SPOCK1: variants seen among roughly 807,000 people sequenced by gnomAD.
The protein encoded by SPOCK1 is testican-1.
A neutral mutation model predicts 55.3 loss-of-function variants in SPOCK1; 23 were observed. The ratio of observed to expected loss-of-function variants is 0.42; its 90% CI spans 0.30 to 0.59. The LOEUF is 0.59. SPOCK1 is among the 20% of genes least tolerant of loss of function. The pLI is 0.22. For synonymous variants in SPOCK1, 226 were observed against 221.0 expected (o/e 1.02, Z -0.20); for missense variants, 499 against 552.5 (o/e 0.90, Z 0.97).
intron 6 of SPOCK1, among the ~76,000 whole-genome samples, chr5:136,999,062 A>G (rs777120630): frequency 6.6e-6 from 1 of 152,158 alleles, no homozygotes; most frequent in Non-Finnish European, 1.5e-5. Flanking sequence ...CCTCCACCCA[A>G]GGCATGGAGC....
chr5:137,273,265 A>G, intron 2 of SPOCK1: 1 of 584,956 alleles, frequency 1.7e-6, no homozygotes, highest in Non-Finnish European at 2.2e-6. Context: ...GGTTCACTGA[A>G]CTAAAACAAA....
At chr5:137,075,153 C>T (rs77341744) in intron 5 of SPOCK1, among the ~76,000 whole-genome samples, 1,605 of 152,276 alleles carry the variant, frequency 0.011, 36 homozygotes, top group African/African-American at 0.037. Context: ...ATCTTAATGA[C>T]GGGTATACAG....
At chr5:137,285,766 T>C (rs1757252431) in intron 2 of SPOCK1, among the ~76,000 whole-genome samples, 1 of 152,178 alleles carries the variant, frequency 6.6e-6, no homozygotes, top group South Asian at 2.1e-4. Context: ...CACCAATTGT[T>C]CAGGCATGGA....
At chr5:137,141,314 C>G (rs1754094547) in intron 3 of SPOCK1, among the ~76,000 whole-genome samples, 1 of 152,216 alleles carries the variant, frequency 6.6e-6, no homozygotes, top group Non-Finnish European at 1.5e-5. Context: ...GAAACAAGAG[C>G]TACTTTTCCC....
At position 137,188,818 on chromosome 5, in the gene SPOCK1, A is replaced by G. The variant is rs139255280; in HGVS notation, c.233-48124T>C. 4.5e-3 allele frequency among the ~76,000 whole-genome samples: 682 copies of G among 152,380 alleles called. 4 individuals carry two copies. The highest frequency in any genetic ancestry group is 0.016 in the African/African-American group (669 of 41,588). ...AAAAGCTAGGCATCTTGTGCCAAAC[A>G]TTTAGCCAAGTTGTGAATACAAAGG... On this transcript the variant is annotated intron_variant, in intron 3 of 10. Coordinates refer to ENST00000394945, the MANE Select transcript of SPOCK1 (RefSeq NM_004598.4).
At chr5:137,167,592 T>C (rs1754673596) in intron 3 of SPOCK1, among the ~76,000 whole-genome samples, 1 of 151,908 alleles carries the variant, frequency 6.6e-6, no homozygotes, top group Non-Finnish European at 1.5e-5. Context: ...CTTGAAACAT[T>C]CAGAAAAATT....
chr5:137,437,456 G>A (rs1417022550), intron 2 of SPOCK1, among the ~76,000 whole-genome samples: 7 of 152,180 alleles, frequency 4.6e-5, no homozygotes, highest in African/African-American at 1.7e-4. Flanking sequence ...CAATTAAAGT[G>A]CACAATGGGT....
chr5:137,190,232 C>T (rs13181655), intron 3 of SPOCK1, among the ~76,000 whole-genome samples: 87,900 of 151,912 alleles, frequency 0.58, 27,231 homozygotes, highest in Non-Finnish European at 0.68. Flanking sequence ...GTGGGTAAAA[C>T]GCCATGAAAC....
intron 7 of SPOCK1, among the ~76,000 whole-genome samples, chr5:136,991,154 G>A (rs764311304): frequency 3.9e-5 from 6 of 152,044 alleles, no homozygotes; most frequent in Non-Finnish European, 8.8e-5. Context: ...TCCAGAGACT[G>A]GAGGCTGCAA....
At position 137,139,604 on chromosome 5, in the gene SPOCK1, A is replaced by G. The variant is rs1250074862; in HGVS notation, c.347+976T>C. 2.0e-5 allele frequency among the ~76,000 whole-genome samples: 3 copies of G among 152,178 alleles called. No homozygotes were observed. The East Asian group carries it at 5.8e-4, about 30-fold the overall frequency. ...GGAATCTTTATTTATCTAAATTCAG[A>G]AAGGTTGCTTTATTTGTCTGAGGTC... On this transcript the variant is annotated intron_variant, in intron 4 of 10. Transcript: ENST00000394945.
chr5:137,282,185 C>T (rs557298617), intron 2 of SPOCK1, among the ~76,000 whole-genome samples: 27 of 152,324 alleles, frequency 1.8e-4, no homozygotes, highest in African/African-American at 6.3e-4. Context: ...CTCTGCCTTA[C>T]GCTGATAACA....
intron 2 of SPOCK1, among the ~76,000 whole-genome samples, chr5:137,421,052 G>A (rs1264203259): frequency 6.6e-6 from 1 of 152,122 alleles, no homozygotes; most frequent in East Asian, 1.9e-4. Context: ...ATTTCGTTAT[G>A]TACCCAGTAG....
intron 3 of SPOCK1, among the ~76,000 whole-genome samples, chr5:137,160,499 A>G (rs1292924792): frequency 1.0e-5 from 1 of 96,246 alleles, no homozygotes; most frequent in East Asian, 2.8e-4. Flanking sequence ...CACCTGGGCT[A>G]TATATATATA....
intron 6 of SPOCK1, among the ~76,000 whole-genome samples, chr5:137,066,404 G>T (rs964897398): frequency 2.6e-5 from 4 of 152,190 alleles, no homozygotes; most frequent in East Asian, 1.9e-4. Context: ...CTCCCAAAGT[G>T]CTGGGATTAC....
At chr5:137,381,806 T>C (rs1400630734) in intron 2 of SPOCK1, among the ~76,000 whole-genome samples, 1 of 152,232 alleles carries the variant, frequency 6.6e-6, no homozygotes, top group Non-Finnish European at 1.5e-5. Flanking sequence ...CTGAAATGCC[T>C]TTGAGGCATT....
chr5:137,203,058 T>C (rs1351061181), intron 3 of SPOCK1, among the ~76,000 whole-genome samples: 1 of 152,200 alleles, frequency 6.6e-6, no homozygotes, highest in East Asian at 1.9e-4. Flanking sequence ...TGATGATAGT[T>C]CAGCTTTTTC....
At chr5:137,162,195 TGGTGGGATCTC>T (rs975665087) in intron 3 of SPOCK1, among the ~76,000 whole-genome samples, 5 of 148,980 alleles carry the variant, frequency 3.4e-5, no homozygotes, top group African/African-American at 1.0e-4. Flanking sequence ...TGGAGTACAA[TGGTGGGATCTC>T]GGCTCACTGC....
chr5:137,212,520 C>T (rs1755636547), intron 3 of SPOCK1, among the ~76,000 whole-genome samples: 1 of 152,138 alleles, frequency 6.6e-6, no homozygotes. Context: ...TACTATGTGT[C>T]AGGCACTGTG....
chr5:137,149,915 G>T (rs1754281715), intron 3 of SPOCK1, among the ~76,000 whole-genome samples: 1 of 152,168 alleles, frequency 6.6e-6, no homozygotes, highest in Admixed American at 6.5e-5. Flanking sequence ...TCAGTTGCAG[G>T]CAAACAGATC....
Sources: allele counts gnomAD v4.1 joint callset (sites outside exome capture counted in the v4.1 genomes callset), GRCh38; gene constraint gnomAD v4.1.1; transcripts MANE v1.5; gene names NCBI Gene and HGNC (gene_info 2026-07-23, HGNC 2026-07-21).